The following CLDN2 variants were observed in gnomAD, a reference collection of about 807,000 sequenced individuals.
CLDN2 encodes the protein claudin-2.
Under a neutral mutation model 8.2 loss-of-function variants are expected in CLDN2, and 1 was observed. The observed-to-expected ratio is 0.12, with a 90% CI of 0.04 to 0.58. The LOEUF is 0.58. Among genes scored for constraint, CLDN2 ranks in the 20% least tolerant of loss-of-function variants. The pLI is 0.90. For missense variants in CLDN2, 108 were observed against 172.9 expected (o/e 0.62, Z 2.11); for synonymous variants, 70 against 70.2 (o/e 1.00, Z 0.01).
intron 1 of CLDN2, chrX:106,903,294 G>A (rs766249767): frequency 8.4e-7 from 1 of 1,192,143 alleles, no homozygotes; most frequent in Non-Finnish European, 1.1e-6. Flanking sequence ...CCATTCTTAG[G>A]GGACCAAAGC....
In CLDN2 at chrX:106,928,816, T is replaced by G. The variant is rs200850588; in HGVS notation, c.588T>G (p.Asp196Glu). The G allele has an allele frequency of 8.2e-5, 99 of 1,209,654 alleles. No individual in the cohort carries two copies. Among genetic ancestry groups the G allele is most frequent in the Non-Finnish European group, 1.1e-4 (95 of 895,073 alleles). ...SSQRNRSNYY[D>E]AYQAQPLATR... ...AGAGAAATCGCTCCAACTACTACGA[T>G]GCCTACCAAGCCCAACCTCTTGCCA... Residue 196 changes from aspartate to glutamate, a missense_variant, in exon 2 of 2, where the codon GAT becomes GAG. Coordinates refer to ENST00000336803, the MANE Select transcript of CLDN2 (RefSeq NM_020384.4).
At chrX:106,903,589 T>G (rs897467463) in intron 1 of CLDN2, among the ~76,000 whole-genome samples, 6 of 111,459 alleles carry the variant, frequency 5.4e-5, no homozygotes, top group Non-Finnish European at 1.1e-4. Flanking sequence ...CGCACACCAT[T>G]TGTGTGAATT....
chrX:106,924,387 G>A (rs951504162), intron 1 of CLDN2, among the ~76,000 whole-genome samples: 7 of 111,071 alleles, frequency 6.3e-5, no homozygotes, highest in Non-Finnish European at 1.3e-4. Flanking sequence ...CAGCACTGAA[G>A]GCCTCAATGA....
At position 106,906,548 on chromosome X, in the gene CLDN2, T is replaced by A. The variant is rs193057011; in HGVS notation, c.-179+6044T>A. 4.5e-5 allele frequency among the ~76,000 whole-genome samples: 5 copies of A among 110,854 alleles called. No individual in the cohort carries two copies. In the East Asian group the frequency reaches 1.4e-3, roughly 32 times the overall value. ...TCCCCTCTCTCTGTACAGAATAACC[T>A]CTCCTTCTACTTCCCTGAGAAAACA... On this transcript the variant is annotated intron_variant, in intron 1 of 1. Transcript: ENST00000541806.
At chrX:106,917,065 C>G (rs959600886), upstream of CLDN2, among the ~76,000 whole-genome samples, 1 of 111,964 alleles carries the variant, frequency 8.9e-6, no homozygotes, top group Admixed American at 9.4e-5. Context: ...GCATTTGAGA[C>G]AACTTTCAGC....
In CLDN2 at chrX:106,929,527, A is replaced by G. The variant is rs955010979; in HGVS notation, c.*606A>G. ...CCATCCTACGGTATCCAGGGAACAG[A>G]AAGCAGGATGCAGGATGGGAGGACA... is the stretch of plus-strand genomic sequence containing the variant. On this transcript the variant is annotated 3_prime_UTR_variant, in exon 2 of 2. Coordinates refer to ENST00000336803, the MANE Select transcript of CLDN2 (RefSeq NM_020384.4). 8.1e-6 allele frequency: 1 copy of G among 123,113 alleles called. No homozygotes were observed. The highest frequency in any genetic ancestry group is 3.3e-5 in the African/African-American group (1 of 30,614). 10.1% of individuals were successfully genotyped at this position (123,113 alleles called of 1,213,427 possible). A position where few individuals can be genotyped will look rare whatever the true frequency, so the allele number is the denominator to read the frequency against.
At position 106,912,553 on chromosome X, in the gene CLDN2, A is replaced by C. The variant is rs766352251; in HGVS notation, c.-179+12049A>C. On this transcript the variant is annotated intron_variant, in intron 1 of 1. Transcript: ENST00000541806. Reference sequence around the variant, plus strand: ...CTCAGCCTCCCAAGTAGCTGGGACTATAGGCTTGCGCCACCATGCCCAGCT... The same window carrying C: ...CTCAGCCTCCCAAGTAGCTGGGACTCTAGGCTTGCGCCACCATGCCCAGCT... Among the ~76,000 whole-genome samples, 9 of 108,827 alleles carry C rather than the reference A, an allele frequency of 8.3e-5. No homozygotes were observed. The South Asian group carries it at 3.6e-3, about 44-fold the overall frequency. The allele number at this position is 108,827 out of a possible 115,157, so 94.5% of individuals were successfully genotyped here.
At chrX:106,906,983 G>A (rs1207536988) in intron 1 of CLDN2, among the ~76,000 whole-genome samples, 1 of 110,687 alleles carries the variant, frequency 9.0e-6, no homozygotes, top group East Asian at 2.8e-4. Context: ...TTTGTTGAAA[G>A]TAGTCTACAT....
upstream of CLDN2, among the ~76,000 whole-genome samples, chrX:106,915,191 G>A (rs1172150855): frequency 1.8e-5 from 2 of 112,466 alleles, no homozygotes; most frequent in Admixed American, 9.4e-5. Flanking sequence ...TGTATCAATA[G>A]TACATTCCTT....
chrX:106,923,138 C>A (rs1194110421), intron 1 of CLDN2, among the ~76,000 whole-genome samples: 3 of 111,487 alleles, frequency 2.7e-5, no homozygotes, highest in African/African-American at 9.8e-5. Context: ...CCACGCCCAA[C>A]TAATTTTTGT....
In CLDN2 at chrX:106,924,386, A is replaced by G. The variant is rs192478378; in HGVS notation, c.-178-3665A>G. Among the ~76,000 whole-genome samples the G allele has an allele frequency of 3.1e-3, 346 of 111,208 alleles. 4 individuals carry two copies. The highest frequency in any genetic ancestry group is 0.011 in the African/African-American group (337 of 30,627). ...TAGAAGGATTTCCAAGCAGCACTGA[A>G]GGCCTCAATGAGATACATAGTCATG... On this transcript the variant is annotated intron_variant, in intron 1 of 1. Coordinates refer to ENST00000336803, the MANE Select transcript of CLDN2 (RefSeq NM_020384.4).
intron 1 of CLDN2, among the ~76,000 whole-genome samples, chrX:106,906,116 C>CA (rs1933175748): frequency 8.9e-6 from 1 of 111,873 alleles, no homozygotes; most frequent in Non-Finnish European, 1.9e-5. Context: ...TCACTTAAAA[C>CA]AAAACAGGAG....
chrX:106,905,953 G>T (rs760137905), intron 1 of CLDN2, among the ~76,000 whole-genome samples: 1 of 111,733 alleles, frequency 8.9e-6, no homozygotes, highest in Non-Finnish European at 1.9e-5. Flanking sequence ...TCCTCCCTAC[G>T]CAATGGCTCT....
chrX:106,909,281 G>T (rs1933217956), intron 1 of CLDN2, among the ~76,000 whole-genome samples: 1 of 111,563 alleles, frequency 9.0e-6, no homozygotes, highest in African/African-American at 3.3e-5. Context: ...ACTTACCCAG[G>T]GTCACAGAGC....
upstream of CLDN2, among the ~76,000 whole-genome samples, chrX:106,914,791 G>C (rs1173148537): frequency 9.0e-6 from 1 of 111,643 alleles, no homozygotes; most frequent in East Asian, 2.8e-4. Flanking sequence ...ACAAATAAAA[G>C]CCCTTTGGAG....
At chrX:106,919,097 C>T (rs146932781), upstream of CLDN2, among the ~76,000 whole-genome samples, 2 of 112,156 alleles carry the variant, frequency 1.8e-5, no homozygotes, top group African/African-American at 6.5e-5. Flanking sequence ...GCAGCCATGA[C>T]AGAATGATGT....
chrX:106,903,585 C>G (rs1379432256), intron 1 of CLDN2, among the ~76,000 whole-genome samples: 1 of 111,721 alleles, frequency 9.0e-6, no homozygotes, highest in Non-Finnish European at 1.9e-5. Context: ...AAATCGCACA[C>G]CATTTGTGTG....
rs1157242320 is a variant in CLDN2, at chrX:106,929,938, G to A, written c.*1017G>A. 3 of 123,526 alleles carry A rather than the reference G, an allele frequency of 2.4e-5. No homozygotes were observed. The highest frequency in any genetic ancestry group is 9.7e-5 in the African/African-American group (3 of 30,801). 10.2% of individuals were successfully genotyped at this position (123,526 alleles called of 1,213,427 possible). A position where few individuals can be genotyped will look rare whatever the true frequency, so the allele number is the denominator to read the frequency against. Reference sequence around the variant, plus strand: ...GTGGGAGCTGTGGGGTACTGAGGAAGACACCATTCCTTGACGGTGTCTAAG... The same window carrying A: ...GTGGGAGCTGTGGGGTACTGAGGAAAACACCATTCCTTGACGGTGTCTAAG... On this transcript the variant is annotated 3_prime_UTR_variant, in exon 2 of 2. Coordinates refer to ENST00000336803, the MANE Select transcript of CLDN2 (RefSeq NM_020384.4).
At chrX:106,911,838 T>C (rs1206581380) in intron 1 of CLDN2, among the ~76,000 whole-genome samples, 1 of 112,048 alleles carries the variant, frequency 8.9e-6, no homozygotes, top group Admixed American at 9.5e-5. Context: ...GACTAATAGA[T>C]TTAGTCTAGC....
Sources: allele counts gnomAD v4.1 joint callset (sites outside exome capture counted in the v4.1 genomes callset), GRCh38; gene constraint gnomAD v4.1.1; transcripts MANE v1.5; gene names NCBI Gene and HGNC (gene_info 2026-07-23, HGNC 2026-07-21).